HPSE2: variants seen among roughly 807,000 people sequenced by gnomAD.
HPSE2 encodes the protein inactive heparanase-2.
A neutral mutation model predicts 60.5 loss-of-function variants in HPSE2; 38 were observed. That is an observed-to-expected ratio of 0.63 (90% CI 0.48 to 0.82). The LOEUF (loss-of-function observed/expected upper bound fraction) is 0.82, where lower values mean the gene tolerates loss of function less well. Among genes scored for constraint, HPSE2 ranks in the 40% least tolerant of loss-of-function variants. The pLI is 0.00. For missense variants in HPSE2, 713 were observed against 740.4 expected, an observed-to-expected ratio of 0.96 and a Z score of 0.43; for synonymous variants, 295 against 293.2, an observed-to-expected ratio of 1.01 and a Z score of -0.06.
chr10:99,241,262 AAAC>A, the HPSE2 span, among the ~76,000 whole-genome samples: 1 of 152,300 alleles, frequency 6.6e-6, no homozygotes, highest in East Asian at 1.9e-4. Context: ...GGGAAAACAA[AAAC>A]AACAACAAAA....
At chr10:99,127,555 A>C (rs1041443538) in intron 3 of HPSE2, among the ~76,000 whole-genome samples, 1 of 152,362 alleles carries the variant, frequency 6.6e-6, no homozygotes, top group African/African-American at 2.4e-5. Context: ...GAAATCTAAA[A>C]GTTTGGAAAA....
intron 8 of HPSE2, among the ~76,000 whole-genome samples, chr10:98,618,590 G>A (rs1160920986): frequency 1.3e-5 from 2 of 151,934 alleles, no homozygotes; most frequent in Non-Finnish European, 2.9e-5. Context: ...TTTTATCTGG[G>A]GGGCATGGGG....
At chr10:98,573,547 G>T (rs1043672334) in intron 9 of HPSE2, among the ~76,000 whole-genome samples, 1 of 152,168 alleles carries the variant, frequency 6.6e-6, no homozygotes, top group African/African-American at 2.4e-5. Context: ...TAAAAGCACA[G>T]GTGAAATGGG....
chr10:98,724,551 A>T (rs1212013337), intron 4 of HPSE2, among the ~76,000 whole-genome samples: 1 of 152,088 alleles, frequency 6.6e-6, no homozygotes, highest in East Asian at 1.9e-4. Flanking sequence ...GATCTGTCTA[A>T]TGTTGACAGT....
the HPSE2 span, among the ~76,000 whole-genome samples, chr10:99,257,664 G>A: frequency 1.3e-5 from 2 of 152,130 alleles, no homozygotes; most frequent in Non-Finnish European, 2.9e-5. Flanking sequence ...TGGTCCTGTG[G>A]TCCTGTGATC....
intron 2 of HPSE2, among the ~76,000 whole-genome samples, chr10:99,220,808 A>C (rs958490027): frequency 1.5e-5 from 2 of 134,944 alleles, no homozygotes; most frequent in African/African-American, 2.7e-5. Context: ...ACTCCGTCTC[A>C]AAAAAAAAAA....
rs192877189 is a variant in HPSE2 at position 99,085,006 on chromosome 10, C to T, written c.610+59232G>A. Reference sequence around the variant, plus strand: ...ACTTTCCCTTACCTCTAGCACTTCTCGTTCTCTTCACTTCTATTACCTTTC... The same window carrying T: ...ACTTTCCCTTACCTCTAGCACTTCTTGTTCTCTTCACTTCTATTACCTTTC... On this transcript the variant is annotated intron_variant, in intron 3 of 11. Transcript: ENST00000370552. 9.8e-4 allele frequency among the ~76,000 whole-genome samples: 150 copies of T among 152,334 alleles called. 1 individual carries two copies. Among genetic ancestry groups the T allele is most frequent in the East Asian group, 5.8e-4 (3 of 5,180 alleles).
intron 4 of HPSE2, among the ~76,000 whole-genome samples, chr10:98,739,682 AAAGAAT>A (rs1450884915): frequency 6.6e-6 from 1 of 152,168 alleles, no homozygotes; most frequent in East Asian, 1.9e-4. Flanking sequence ...AATTCTTATA[AAAGAAT>A]AACATGTGAA....
upstream of HPSE2, among the ~76,000 whole-genome samples, chr10:99,236,247 G>A (rs1198419521): frequency 1.3e-5 from 2 of 152,012 alleles, no homozygotes; most frequent in Non-Finnish European, 2.9e-5. Flanking sequence ...GGGTCAGGAA[G>A]CAGAGGGAGG....
chr10:99,230,922 A>G (rs1193449837), intron 2 of HPSE2, among the ~76,000 whole-genome samples: 1 of 152,220 alleles, frequency 6.6e-6, no homozygotes, highest in Non-Finnish European at 1.5e-5. Flanking sequence ...TTCTGGGTCA[A>G]ATTACCATAG....
At chr10:98,506,966 T>C (rs1942223043) in intron 9 of HPSE2, among the ~76,000 whole-genome samples, 1 of 152,204 alleles carries the variant, frequency 6.6e-6, no homozygotes, top group South Asian at 2.1e-4. Flanking sequence ...GCATGTGACA[T>C]AGGTAATAGC....
intron 5 of HPSE2, among the ~76,000 whole-genome samples, chr10:98,703,724 T>C (rs1475520366): frequency 1.3e-5 from 2 of 152,190 alleles, no homozygotes; most frequent in Admixed American, 1.3e-4. Context: ...TCAACATCTC[T>C]TCATGTTAGA....
intron 3 of HPSE2, among the ~76,000 whole-genome samples, chr10:98,960,701 C>CTTTTTTTTTTTTTTTTTTTT: frequency 9.9e-4 from 57 of 57,502 alleles, no homozygotes; most frequent in East Asian, 2.1e-3. Context: ...ATGTACATTT[C>CTTTTTTTTTTTTTTTTTTTT]TTTTTTTTTT....
intron 3 of HPSE2, among the ~76,000 whole-genome samples, chr10:98,751,131 T>C (rs1949748043): frequency 6.6e-6 from 1 of 152,156 alleles, no homozygotes; most frequent in Admixed American, 6.6e-5. Flanking sequence ...TTTTGTTACG[T>C]ATTTCCCTCA....
intron 3 of HPSE2, among the ~76,000 whole-genome samples, chr10:99,040,289 C>T (rs990117831): frequency 3.3e-5 from 5 of 152,088 alleles, no homozygotes; most frequent in African/African-American, 9.7e-5. Flanking sequence ...TATTAATGCA[C>T]ATTTAATTAT....
intron 3 of HPSE2, among the ~76,000 whole-genome samples, chr10:98,979,841 A>T (rs1956167243): frequency 6.6e-6 from 1 of 152,208 alleles, no homozygotes; most frequent in Non-Finnish European, 1.5e-5. Context: ...AGCGTTAGAG[A>T]AGGAATTTTC....
intron 2 of HPSE2, among the ~76,000 whole-genome samples, chr10:99,218,499 T>C (rs770946456): frequency 9.2e-5 from 14 of 152,144 alleles, no homozygotes; most frequent in African/African-American, 2.4e-4. Context: ...ATTTAGGTGA[T>C]GAAAACTTAA....
intron 2 of HPSE2, among the ~76,000 whole-genome samples, chr10:99,225,512 C>G (rs1289905390): frequency 2.6e-5 from 4 of 152,008 alleles, no homozygotes; most frequent in Non-Finnish European, 5.9e-5. Flanking sequence ...ATTTTAAGAC[C>G]TTTTACTTTA....
chr10:98,778,617 T>C (rs1204691653), intron 3 of HPSE2, among the ~76,000 whole-genome samples: 1 of 152,118 alleles, frequency 6.6e-6, no homozygotes, highest in African/African-American at 2.4e-5. Context: ...TGAGCCCTGC[T>C]TCTGGTATAA....
Sources: gnomAD v4.1 joint callset for allele counts (sites outside exome capture counted in the v4.1 genomes callset) on GRCh38, gnomAD v4.1.1 for gene constraint, MANE v1.5 for transcripts, NCBI Gene and HGNC (gene_info 2026-07-23, HGNC 2026-07-21) for gene names.